Variants in HPSE2 observed in about 807,000 individuals in gnomAD.
HPSE2 encodes the protein heparanase 2 (inactive), also known as inactive heparanase-2.
HPSE2 carries 38 observed loss-of-function variants against 60.5 expected under a neutral mutation model. The observed-to-expected ratio is 0.63, with a 90% CI of 0.48 to 0.82. The LOEUF (loss-of-function observed/expected upper bound fraction) is 0.82, where lower values mean the gene tolerates loss of function less well. Ranked by LOEUF, HPSE2 falls within the 40% of genes least tolerant of loss-of-function variation. HPSE2 has a pLI of 0.00. For missense variants in HPSE2, 713 were observed against 740.4 expected, an observed-to-expected ratio of 0.96 and a Z score of 0.43; for synonymous variants, 295 against 293.2, an observed-to-expected ratio of 1.01 and a Z score of -0.06.
intron 3 of HPSE2, among the ~76,000 whole-genome samples, chr10:99,086,182 TAG>T (rs1319577383): frequency 1.3e-5 from 2 of 152,090 alleles, no homozygotes; most frequent in East Asian, 1.9e-4. Context: ...TGCTGAGTAG[TAG>T]AGAGTTAGGA....
At chr10:98,968,766 G>A (rs1955877282) in intron 3 of HPSE2, among the ~76,000 whole-genome samples, 2 of 152,070 alleles carry the variant, frequency 1.3e-5, no homozygotes, top group South Asian at 4.2e-4. Context: ...AATATTTTAT[G>A]TTTTCACTTA....
intron 4 of HPSE2, among the ~76,000 whole-genome samples, chr10:98,733,987 T>A (rs1041900767): frequency 6.6e-6 from 1 of 152,166 alleles, no homozygotes; most frequent in African/African-American, 2.4e-5. Flanking sequence ...AAAAACTCTG[T>A]GCCTTTTAGC....
At chr10:98,792,889 A>T (rs967978572) in intron 3 of HPSE2, among the ~76,000 whole-genome samples, 1 of 152,242 alleles carries the variant, frequency 6.6e-6, no homozygotes, top group Non-Finnish European at 1.5e-5. Context: ...AGGTCAGAAG[A>T]AGATGAAATG....
At chr10:99,050,952 CGTGTGT>C (rs147438459) in intron 3 of HPSE2, among the ~76,000 whole-genome samples, 2 of 149,412 alleles carry the variant, frequency 1.3e-5, no homozygotes, top group Admixed American at 6.7e-5. Flanking sequence ...TTGATTCAAT[CGTGTGT>C]GTGTGTGTGT....
intron 9 of HPSE2, among the ~76,000 whole-genome samples, chr10:98,565,283 C>T (rs1227144203): frequency 6.6e-6 from 1 of 151,856 alleles, no homozygotes; most frequent in African/African-American, 2.4e-5. Flanking sequence ...GGTTTTAAGC[C>T]CCACATGCAT....
intron 6 of HPSE2, among the ~76,000 whole-genome samples, chr10:98,690,829 G>C (rs1019558552): frequency 1.3e-5 from 2 of 152,082 alleles, no homozygotes; most frequent in African/African-American, 4.8e-5. Flanking sequence ...CAATTATTAA[G>C]TCATATATTT....
At position 99,104,741 on chromosome 10, in the gene HPSE2, G is replaced by T. The variant is rs753811541; in HGVS notation, c.610+39497C>A. On this transcript the variant is annotated intron_variant, in intron 3 of 11. Transcript: ENST00000370552. ...GGAATACTATGCAGCCATAAAAAAG[G>T]ATGAGTTCATGTGCTTTGTAAGGAC... 5.4e-4 allele frequency among the ~76,000 whole-genome samples: 82 copies of T among 152,176 alleles called. 1 individual carries two copies. The highest frequency in any genetic ancestry group is 1.0e-3 in the Non-Finnish European group (71 of 68,004).
chr10:98,610,918 C>T (rs1409075339), intron 9 of HPSE2, among the ~76,000 whole-genome samples: 2 of 152,204 alleles, frequency 1.3e-5, no homozygotes, highest in African/African-American at 2.4e-5. Context: ...TTAAAAAAAG[C>T]AGCAAGCTAA....
intron 3 of HPSE2, among the ~76,000 whole-genome samples, chr10:98,854,827 T>C (rs1382431481): frequency 2.0e-5 from 3 of 152,170 alleles, no homozygotes; most frequent in African/African-American, 4.8e-5. Context: ...TTTAAACCAC[T>C]GAGGATTCTT....
At chr10:98,832,806 A>G (rs1278679040) in intron 3 of HPSE2, among the ~76,000 whole-genome samples, 1 of 152,206 alleles carries the variant, frequency 6.6e-6, no homozygotes, top group Non-Finnish European at 1.5e-5. Flanking sequence ...ATACTAGGTC[A>G]TGAGCTAATT....
intron 3 of HPSE2, among the ~76,000 whole-genome samples, chr10:98,758,857 A>G (rs1210899104): frequency 6.6e-6 from 1 of 152,204 alleles, no homozygotes; most frequent in Non-Finnish European, 1.5e-5. Flanking sequence ...AGGAATATAA[A>G]TCATTCTACC....
intron 11 of HPSE2, among the ~76,000 whole-genome samples, chr10:98,461,356 G>C (rs1468704093): frequency 2.6e-5 from 4 of 151,844 alleles, no homozygotes; most frequent in African/African-American, 9.7e-5. Flanking sequence ...TAAGTGAGTA[G>C]GAGGCTTCTA....
chr10:99,205,956 C>T (rs1186977177), intron 2 of HPSE2, among the ~76,000 whole-genome samples: 1 of 152,196 alleles, frequency 6.6e-6, no homozygotes, highest in Admixed American at 6.5e-5. Flanking sequence ...TAGCACAATG[C>T]TGCAAACCTT....
intron 3 of HPSE2, among the ~76,000 whole-genome samples, chr10:98,882,769 C>T (rs953710623): frequency 3.9e-5 from 6 of 152,006 alleles, no homozygotes; most frequent in Non-Finnish European, 8.8e-5. Flanking sequence ...ATGGGAAGTT[C>T]AGAACAATGA....
At chr10:99,031,852 A>T (rs894399121) in intron 3 of HPSE2, among the ~76,000 whole-genome samples, 1 of 152,230 alleles carries the variant, frequency 6.6e-6, no homozygotes, top group African/African-American at 2.4e-5. Context: ...TTAGCAATCA[A>T]AAAGGAACTG....
chr10:99,262,214 C>T, the HPSE2 span, among the ~76,000 whole-genome samples: 1 of 152,178 alleles, frequency 6.6e-6, no homozygotes, highest in Admixed American at 6.5e-5. Context: ...GTTTCCCTTG[C>T]CTCCATAACT....
chr10:99,115,678 C>T (rs977330277), intron 3 of HPSE2, among the ~76,000 whole-genome samples: 1 of 151,994 alleles, frequency 6.6e-6, no homozygotes, highest in African/African-American at 2.4e-5. Flanking sequence ...TAACCTTTTT[C>T]CCATATTGTT....
At chr10:98,835,681 A>G (rs1267067548) in intron 3 of HPSE2, among the ~76,000 whole-genome samples, 1 of 152,230 alleles carries the variant, frequency 6.6e-6, no homozygotes, top group Non-Finnish European at 1.5e-5. Flanking sequence ...CAAAGCCTGT[A>G]TGCTTAACCA....
intron 9 of HPSE2, among the ~76,000 whole-genome samples, chr10:98,550,658 T>C (rs962160777): frequency 1.3e-5 from 2 of 152,168 alleles, no homozygotes; most frequent in Admixed American, 6.5e-5. Context: ...AGTATTGTAG[T>C]AGAGACGAGG....
Sources: gnomAD v4.1 joint callset for allele counts (sites outside exome capture counted in the v4.1 genomes callset) on GRCh38, gnomAD v4.1.1 for gene constraint, MANE v1.5 for transcripts, NCBI Gene and HGNC (gene_info 2026-07-23, HGNC 2026-07-21) for gene names.